Variants in AGO3 observed in about 807,000 individuals in gnomAD.
AGO3 encodes protein argonaute-3.
In AGO3, 16 loss-of-function variants were observed where a neutral mutation model predicts 105.5. The ratio of observed to expected loss-of-function variants is 0.15; its 90% confidence interval spans 0.10 to 0.23. The LOEUF is 0.23. Among genes scored for constraint, AGO3 ranks in the 10% least tolerant of loss-of-function variants. The probability of loss-of-function intolerance (pLI) is 1.00; values close to 1 mark genes in which losing one functional copy is unlikely to be tolerated. For synonymous variants in AGO3, 340 were observed against 367.3 expected (o/e 0.93, Z 0.85); for missense variants, 534 against 1,088.0 (o/e 0.49, Z 7.16).
At chr1:36,033,560 G>A (rs538072767) in intron 12 of AGO3, among the ~76,000 whole-genome samples, 1 of 151,186 alleles carries the variant, frequency 6.6e-6, no homozygotes, top group Non-Finnish European at 1.5e-5. Context: ...CAAGAGGATC[G>A]CTTTAGCTCA....
At chr1:35,936,560 A>T (rs937818771) in intron 1 of AGO3, among the ~76,000 whole-genome samples, 4 of 152,056 alleles carry the variant, frequency 2.6e-5, no homozygotes, top group African/African-American at 9.7e-5. Context: ...GACCTCAGGT[A>T]GTCCACTCAC....
rs1377065141 is a variant in AGO3 at position 36,009,051 on chromosome 1, C to T, written c.1029+7C>T. 7 of 1,525,876 alleles carry T rather than the reference C, an allele frequency of 4.6e-6. No homozygotes were observed. The highest frequency in any genetic ancestry group is 6.1e-6 in the Non-Finnish European group (7 of 1,153,032). 94.5% of individuals were successfully genotyped at this position (1,525,876 alleles called of 1,614,324 possible). ...CACCTACCTGCCACTAGAAGTAATG[C>T]CTTCACACTGCTAATTAATACCCTG... On this transcript the variant is annotated splice_region_variant and intron_variant, in intron 8 of 18. Coordinates refer to ENST00000373191, the MANE Select transcript of AGO3 (RefSeq NM_024852.4).
intron 2 of AGO3, among the ~76,000 whole-genome samples, chr1:35,946,957 CAT>C (rs1646377188): frequency 6.6e-6 from 1 of 152,212 alleles, no homozygotes; most frequent in Middle Eastern, 3.4e-3. Context: ...GTCAAGAACA[CAT>C]GTTTCAAGTA....
chr1:35,942,414 G>A (rs749042873), intron 1 of AGO3, among the ~76,000 whole-genome samples: 1 of 151,980 alleles, frequency 6.6e-6, no homozygotes, highest in Non-Finnish European at 1.5e-5. Context: ...ATTGTATTGG[G>A]GTGTGTTTAC....
chr1:35,977,715 T>A (rs149989930), intron 5 of AGO3, among the ~76,000 whole-genome samples: 30 of 152,282 alleles, frequency 2.0e-4, no homozygotes, highest in African/African-American at 6.0e-4. Context: ...TTTTTGAAAT[T>A]CTGTGTATTT....
At chr1:36,032,461 A>G (rs1641821179) in intron 12 of AGO3, among the ~76,000 whole-genome samples, 1 of 152,002 alleles carries the variant, frequency 6.6e-6, no homozygotes, top group Non-Finnish European at 1.5e-5. Context: ...AGTTCACTGC[A>G]GCCTCCATCT....
In AGO3 at chr1:35,980,835, T is replaced by C. The variant is rs187054689; in HGVS notation, c.658+7324T>C. Among the ~76,000 whole-genome samples, 5 of 152,358 alleles carry C rather than the reference T, an allele frequency of 3.3e-5. No homozygotes were observed. The East Asian group carries it at 9.6e-4, about 29-fold the overall frequency. ...ACATCAGTAAAATTACTAGATGTTT[T>C]CTTAGTTGACCATTTTGGGTCAGTT... On this transcript the variant is annotated intron_variant, in intron 5 of 18. Transcript: ENST00000373191.
intron 5 of AGO3, chr1:35,982,520 A>G: frequency 1.6e-6 from 1 of 630,728 alleles, no homozygotes; most frequent in Non-Finnish European, 2.9e-6. Flanking sequence ...TAAAAGATAA[A>G]AACAAATCAA....
intron 5 of AGO3, among the ~76,000 whole-genome samples, chr1:35,977,777 C>CT (rs1316119171): frequency 2.6e-5 from 4 of 151,520 alleles, no homozygotes; most frequent in Non-Finnish European, 4.4e-5. Flanking sequence ...GTTCTTTTTA[C>CT]TTTTTTTTCA....
intron 5 of AGO3, 139 bp from the exon 6 acceptor site, chr1:36,004,202 A>T: frequency 2.3e-6 from 2 of 859,542 alleles, no homozygotes; most frequent in Non-Finnish European, 3.3e-6. Flanking sequence ...AAAACTGCTT[A>T]ATTTTGGAAA....
rs201043874 is a variant in AGO3 at position 36,008,919 on chromosome 1, G to A, written c.904G>A (p.Gly302Ser). 101 of 1,613,756 alleles carry A rather than the reference G, an allele frequency of 6.3e-5. No individual in the cohort carries two copies. The highest frequency in any genetic ancestry group is 4.7e-5 in the Non-Finnish European group (56 of 1,180,008). ...CAGCTTTCCTTTACAGTTAGAAAAC[G>A]GCCAAACTGTGGAGAGAACAGTAGC... ...HQTFPLQLEN[G>S]QTVERTVAQY... Residue 302 changes from glycine (G) to serine (S), a missense_variant, in exon 8 of 19, where the codon GGC becomes AGC. Transcript: ENST00000373191. The surrounding 1 kb of genome is among the most constrained non-coding windows in gnomAD (Gnocchi z 5.1).
intron 5 of AGO3, among the ~76,000 whole-genome samples, chr1:36,001,590 A>G (rs552443457): frequency 6.6e-6 from 1 of 152,206 alleles, no homozygotes; most frequent in African/African-American, 2.4e-5. Context: ...CATAGTGTGC[A>G]GCAATTAAAG....
intron 5 of AGO3, among the ~76,000 whole-genome samples, chr1:35,984,739 A>G (rs148913713): frequency 6.6e-6 from 1 of 152,356 alleles, no homozygotes; most frequent in African/African-American, 2.4e-5. Context: ...TAAACAAAGA[A>G]TGAATAAATA....
chr1:35,968,117 C>G (rs930588177), intron 3 of AGO3, among the ~76,000 whole-genome samples: 1 of 152,084 alleles, frequency 6.6e-6, no homozygotes, highest in South Asian at 2.1e-4. Context: ...TCAGGAAGCA[C>G]GCAGTATGTA....
chr1:35,985,126 C>T (rs965348000), intron 5 of AGO3, among the ~76,000 whole-genome samples: 11 of 151,776 alleles, frequency 7.2e-5, no homozygotes, highest in African/African-American at 2.7e-4. Flanking sequence ...TAAAAAAAGA[C>T]AAAAAAATTA....
Position 35,945,783 on chromosome 1 carries a change from T to C in AGO3, c.111T>C (p.Phe37=). ...GKPIKLLANC[F]QVEIPKIDVY... ...CCATTAAACTGCTGGCTAACTGTTT[T>C]CAAGTTGAAATCCCAAAGATTGATG... Residue 37 remains phenylalanine (F), a synonymous_variant, in exon 2 of 19, where the codon TTT becomes TTC. Coordinates refer to ENST00000373191, the MANE Select transcript of AGO3 (RefSeq NM_024852.4). 6.2e-7 allele frequency: 1 copy of C among 1,613,762 alleles called. No individual in the cohort carries two copies.
chr1:36,029,725 C>G (rs1196826152), intron 12 of AGO3, among the ~76,000 whole-genome samples: 1 of 142,030 alleles, frequency 7.0e-6, no homozygotes, highest in Non-Finnish European at 1.5e-5. Flanking sequence ...CAGAGTCTCC[C>G]TCTGTTGCCC....
chr1:35,971,310 C>A (rs1022892042), intron 3 of AGO3, among the ~76,000 whole-genome samples: 2 of 150,950 alleles, frequency 1.3e-5, no homozygotes, highest in Non-Finnish European at 3.0e-5. Flanking sequence ...CAGGCATGCA[C>A]CACCACACCC....
At chr1:35,991,609 A>G (rs1282342220) in intron 5 of AGO3, among the ~76,000 whole-genome samples, 1 of 150,564 alleles carries the variant, frequency 6.6e-6, no homozygotes, top group Non-Finnish European at 1.5e-5. Context: ...ACTTAAAATG[A>G]TAGTTTAGCT....
Sources: allele counts gnomAD v4.1 joint callset (sites outside exome capture counted in the v4.1 genomes callset), GRCh38; gene constraint gnomAD v4.1.1; non-coding constraint Gnocchi (gnomAD v3.1); transcripts MANE v1.5; gene names NCBI Gene and HGNC (gene_info 2026-07-23, HGNC 2026-07-21).